UPK1A: variants seen among roughly 807,000 people sequenced by gnomAD.
UPK1A encodes uroplakin-1a.
In UPK1A, 31 loss-of-function variants were observed where a neutral mutation model predicts 32.3. The ratio of observed to expected loss-of-function variants is 0.96; its 90% CI spans 0.72 to 1.30. UPK1A has a LOEUF of 1.30. Ranked by LOEUF, UPK1A falls within the 50% of genes most tolerant of loss-of-function variation. UPK1A has a pLI of 0.00. For synonymous variants in UPK1A, 135 were observed against 137.1 expected (o/e 0.98, Z 0.11); for missense variants, 340 against 357.4 (o/e 0.95, Z 0.39).
intron 3 of UPK1A, among the ~76,000 whole-genome samples, chr19:35,671,515 T>C (rs1305333646): frequency 7.6e-6 from 1 of 131,118 alleles, no homozygotes; most frequent in Non-Finnish European, 1.6e-5. Flanking sequence ...TGGAGTGCAG[T>C]GGTGCGATCT....
At chr19:35,678,281 T>G in exon 8 of UPK1A, 1 of 383,030 alleles carries the variant, frequency 2.6e-6, no homozygotes. Context: ...CATTCACAGA[T>G]ACCTCTCTTG....
chr19:35,666,581 C>G, intron 1 of UPK1A, 43 bp downstream of exon 1: 1 of 547,660 alleles, frequency 1.8e-6, no homozygotes, highest in South Asian at 2.1e-5. Flanking sequence ...CATGAGGGGT[C>G]TGAGGCTCAG....
At chr19:35,674,295 G>GGAAT (rs1321454202) in intron 5 of UPK1A, among the ~76,000 whole-genome samples, 2 of 137,990 alleles carry the variant, frequency 1.4e-5, no homozygotes, top group Non-Finnish European at 3.0e-5. Flanking sequence ...CGCCCAGGCT[G>GGAAT]GAATGCAGTG....
rs1418494368 is a variant in UPK1A, at chr19:35,677,805, T to G, written c.649-7T>G. 1.9e-6 allele frequency: 3 copies of G among 1,612,004 alleles called. No individual in the cohort carries two copies. Among genetic ancestry groups the G allele is most frequent in the Non-Finnish European group, 2.5e-6 (3 of 1,179,932 alleles). On this transcript the variant is annotated splice_region_variant and splice_polypyrimidine_tract_variant and intron_variant, in intron 6 of 7. Transcript: ENST00000617999. ...TCTTCTCAAACTTCCCCCATCCCCC[T>G]GCCCAGGGCTGCTTCGAACACATCG...
chr19:35,672,133 C>A (rs1968111350), intron 3 of UPK1A, among the ~76,000 whole-genome samples: 2 of 152,190 alleles, frequency 1.3e-5, no homozygotes, highest in Admixed American at 1.3e-4. Context: ...CATCAACTGA[C>A]AAGCTTTTTT....
At chr19:35,668,224 T>TC in intron 2 of UPK1A, 1 of 597,988 alleles carries the variant, frequency 1.7e-6, no homozygotes, top group Non-Finnish European at 3.0e-6. Flanking sequence ...TCCCCTTTTA[T>TC]CCCCGAAGAA....
chr19:35,669,012 C>A (rs1968045987), intron 3 of UPK1A, among the ~76,000 whole-genome samples: 1 of 152,042 alleles, frequency 6.6e-6, no homozygotes, highest in Non-Finnish European at 1.5e-5. Context: ...TGAACCCCTG[C>A]TAGCTGCTTT....
chr19:35,672,924 G>T (rs1264075829), intron 3 of UPK1A, among the ~76,000 whole-genome samples: 1 of 151,638 alleles, frequency 6.6e-6, no homozygotes, highest in East Asian at 1.9e-4. Flanking sequence ...CACCATGTTG[G>T]CCAGGCTGGT....
At chr19:35,676,004 C>A in exon 6 of UPK1A, 1 of 1,613,266 alleles carries the variant, frequency 6.2e-7, no homozygotes, top group Non-Finnish European at 8.5e-7. Context: ...GGCACATGGA[C>A]TACCTGTTCA....
rs1426267428 is a variant in UPK1A at position 35,675,935 on chromosome 19, ACTGTG to A, written c.569_573del (p.Cys190SerfsTer120). 6.2e-7 allele frequency: 1 copy of A among 1,613,846 alleles called. No homozygotes were observed. Among genetic ancestry groups the A allele is most frequent in the Non-Finnish European group, 8.5e-7 (1 of 1,179,986 alleles). ...CGGAGGTGGTGTTCCCCTGGCCCCC[ACTGTG>A]CTGTCGCCGGACGGGAAACTTCATC... is the stretch of plus-strand genomic sequence containing the variant. On this transcript the variant is annotated frameshift_variant, in exon 6 of 8. Coordinates refer to ENST00000617999, the Ensembl canonical transcript of UPK1A. LOFTEE classifies it high-confidence loss of function.
intron 2 of UPK1A, 137 bp from the exon 3 acceptor site, chr19:35,668,317 A>C (rs1001456717): frequency 1.9e-6 from 2 of 1,039,656 alleles, no homozygotes; most frequent in African/African-American, 3.2e-5. Flanking sequence ...ATCGCTGCTC[A>C]TGGAAGGCGA....
Position 35,675,885 on chromosome 19 carries a change from AC to A in UPK1A, c.515del (p.Thr172SerfsTer70), listed in dbSNP as rs1192506631. 6.2e-7 allele frequency: 1 copy of A among 1,613,948 alleles called. No individual in the cohort carries two copies. On this transcript the variant is annotated frameshift_variant, in exon 6 of 8. Coordinates refer to ENST00000617999, the Ensembl canonical transcript of UPK1A. LOFTEE classifies it high-confidence loss of function. Reference sequence around the variant, plus strand: ...TGGTCCCATGGACTGGGTGAACTTCACGTCAGCCTTCCGGGCGGCCACTCCG... The same window carrying A: ...TGGTCCCATGGACTGGGTGAACTTCAGTCAGCCTTCCGGGCGGCCACTCCG...
At chr19:35,678,066 C>T in exon 8 of UPK1A, 2 of 1,520,750 alleles carry the variant, frequency 1.3e-6, no homozygotes, top group Non-Finnish European at 1.8e-6. Context: ...TCCTCCGCAT[C>T]CTCCTCCTGC....
intron 6 of UPK1A, among the ~76,000 whole-genome samples, 171 bp from the exon 7 acceptor site, chr19:35,677,641 G>C (rs1297902322): frequency 6.6e-6 from 1 of 152,108 alleles, no homozygotes; most frequent in Non-Finnish European, 1.5e-5. Flanking sequence ...TCAGCTCCCT[G>C]GGGCCCCGAA....
rs182856924 is a variant in UPK1A, at chr19:35,677,658, C to T, written c.649-154C>T. On this transcript the variant is annotated intron_variant, in intron 6 of 7. Coordinates refer to ENST00000617999, the Ensembl canonical transcript of UPK1A. ...AGCTCCCTGGGGCCCCGAAACCACC[C>T]GAGGAGGTGGACAGTGCCATGGTCC... Among the ~76,000 whole-genome samples, 469 of 152,284 alleles carry T rather than the reference C, an allele frequency of 3.1e-3. 4 individuals are homozygous for T. Among genetic ancestry groups the T allele is most frequent in the African/African-American group, 0.011 (451 of 41,582 alleles).
intron 3 of UPK1A, among the ~76,000 whole-genome samples, chr19:35,669,868 G>A (rs1014878241): frequency 6.6e-6 from 1 of 152,098 alleles, no homozygotes; most frequent in Non-Finnish European, 1.5e-5. Context: ...GACAGCAGAG[G>A]GTTTTTCAGA....
In UPK1A at chr19:35,672,286, G is replaced by C. The variant is rs539280204; in HGVS notation, c.286-946G>C. On this transcript the variant is annotated intron_variant, in intron 3 of 7. Coordinates refer to ENST00000617999, the Ensembl canonical transcript of UPK1A. Reference sequence around the variant, plus strand: ...GTTGTTTGTTTTATTTTAAGAGACAGGGTCTCACTCTGTTGCCCAGGCTGG... The same window carrying C: ...GTTGTTTGTTTTATTTTAAGAGACACGGTCTCACTCTGTTGCCCAGGCTGG... Among the ~76,000 whole-genome samples, 56 of 152,348 alleles carry C rather than the reference G, an allele frequency of 3.7e-4. No individual in the cohort carries two copies. In the Middle Eastern group the frequency reaches 0.01, roughly 28 times the overall value.
intron 6 of UPK1A, among the ~76,000 whole-genome samples, chr19:35,677,384 G>A (rs2146390370): frequency 6.6e-6 from 1 of 151,798 alleles, no homozygotes; most frequent in East Asian, 1.9e-4. Flanking sequence ...AAATTAGCCG[G>A]GCGTAGTGGT....
At chr19:35,676,191 CTTTCTT>C in intron 6 of UPK1A, 172 bp downstream of exon 6, 1 of 773,678 alleles carries the variant, frequency 1.3e-6, no homozygotes, top group Non-Finnish European at 2.0e-6. Flanking sequence ...TTCTTTCTTT[CTTTCTT>C]TTTTTTTTTT....
Sources: allele counts gnomAD v4.1 joint callset (sites outside exome capture counted in the v4.1 genomes callset), GRCh38; gene constraint gnomAD v4.1.1; transcripts MANE v1.5; gene names NCBI Gene and HGNC (gene_info 2026-07-23, HGNC 2026-07-21).